The following CAPZA1 variants were observed in gnomAD, a reference collection of about 807,000 sequenced individuals.
CAPZA1 encodes the protein capping actin protein of muscle Z-line subunit alpha 1, also known as F-actin-capping protein subunit alpha-1.
A neutral mutation model predicts 40.8 loss-of-function variants in CAPZA1; 10 were observed. That is an observed-to-expected ratio of 0.25 (90% CI 0.15 to 0.42). The LOEUF (loss-of-function observed/expected upper bound fraction) is 0.42, where lower values mean the gene tolerates loss of function less well. Among genes scored for constraint, CAPZA1 ranks in the 10% least tolerant of loss-of-function variants. The probability of loss-of-function intolerance (pLI) is 1.00; values close to 1 mark genes in which losing one functional copy is unlikely to be tolerated. For missense variants in CAPZA1, 277 were observed against 353.8 expected (o/e 0.78, Z 1.74); for synonymous variants, 98 against 115.0 (o/e 0.85, Z 0.95).
chr1:112,636,776 T>C (rs968169583), intron 1 of CAPZA1, among the ~76,000 whole-genome samples: 3 of 152,226 alleles, frequency 2.0e-5, no homozygotes, highest in African/African-American at 7.2e-5. Context: ...ACTAAATCAC[T>C]GTTAATGAAA....
At chr1:112,643,417 T>C (rs1461485143) in intron 1 of CAPZA1, among the ~76,000 whole-genome samples, 2 of 152,220 alleles carry the variant, frequency 1.3e-5, no homozygotes, top group Non-Finnish European at 2.9e-5. Context: ...GTTCTAAAAC[T>C]TTATGTACCT....
intron 1 of CAPZA1, among the ~76,000 whole-genome samples, chr1:112,641,861 C>G (rs1671172625): frequency 6.9e-6 from 1 of 144,250 alleles, no homozygotes; most frequent in Non-Finnish European, 1.5e-5. Flanking sequence ...CGCACTCCAG[C>G]CTGGGTGACA....
rs557493135 is a variant in CAPZA1 at position 112,637,951 on chromosome 1, A to G, written c.40-9259A>G. The stretch of plus-strand genomic sequence containing the variant: ...CTCCCAAAGCCCATCTGCCCTTTAC[A>G]TTAGCAGTTTATTGACTCTTGCTCT... On this transcript the variant is annotated intron_variant, in intron 1 of 9. Transcript: ENST00000263168. Among the ~76,000 whole-genome samples, 4 of 152,308 alleles carry G rather than the reference A, an allele frequency of 2.6e-5. No individual in the cohort carries two copies. The South Asian group carries it at 8.3e-4, about 32-fold the overall frequency.
Position 112,667,059 on chromosome 1 carries a change from C to T in CAPZA1, c.586-15C>T. The T allele has an allele frequency of 6.3e-7, 1 of 1,597,104 alleles. No homozygotes were observed. The highest frequency in any genetic ancestry group is 8.5e-7 in the Non-Finnish European group (1 of 1,170,240). On this transcript the variant is annotated splice_polypyrimidine_tract_variant and intron_variant, in intron 7 of 9. Coordinates refer to ENST00000263168, the MANE Select transcript of CAPZA1 (RefSeq NM_006135.3). ...TGAACTTCCCCTAAAAAGGCTCAAA[C>T]ATTGTCTCACACAGGTTCACTATTA...
chr1:112,650,850 T>C (rs1671373492), intron 3 of CAPZA1, among the ~76,000 whole-genome samples: 1 of 152,174 alleles, frequency 6.6e-6, no homozygotes, highest in Non-Finnish European at 1.5e-5. Flanking sequence ...TTAAGAGAAG[T>C]TGGTATGTAG....
Position 112,649,424 on chromosome 1 carries a change from G to T in CAPZA1, c.110G>T (p.Arg37Leu). 1 of 1,612,084 alleles carries T rather than the reference G, an allele frequency of 6.2e-7. No homozygotes were observed. The highest frequency in any genetic ancestry group is 8.5e-7 in the Non-Finnish European group (1 of 1,178,686). The change falls in exon 3 of 10, where the codon CGG becomes CTG. Residue 37 changes from arginine (R) to leucine (L), a missense_variant. By Grantham distance (102) the Arg-to-Leu change is moderately radical (BLOSUM62 -2). Coordinates refer to ENST00000263168, the MANE Select transcript of CAPZA1 (RefSeq NM_006135.3). ...GEFNEVFNDV[R>L]LLLNNDNLLR... The stretch of plus-strand genomic sequence containing the variant: ...TAACATTTTTCCTCCTCAGACGTTC[G>T]GCTACTACTTAATAATGACAATCTC...
chr1:112,641,905 A>T (rs2101156139), intron 1 of CAPZA1, among the ~76,000 whole-genome samples: 1 of 151,826 alleles, frequency 6.6e-6, no homozygotes, highest in Admixed American at 6.6e-5. Context: ...AAAAAAAAAA[A>T]ATACTAAAAC....
In CAPZA1 at chr1:112,669,601, A is replaced by G. The variant is rs773081566; in HGVS notation, c.716A>G (p.Tyr239Cys). Reference sequence around the variant, plus strand: ...ATCATAGAGAATGCAGAAAATGAGTATCAGGTAAGAAGATTTGGAGTTAAT... The same window carrying G: ...ATCATAGAGAATGCAGAAAATGAGTGTCAGGTAAGAAGATTTGGAGTTAAT... The part of the protein sequence containing the change: ...IKIIENAENE[Y>C]QTAISENYQT... The change falls in exon 9 of 10, where the codon TAT (tyrosine) becomes TGT (cysteine). Residue 239 changes from tyrosine (Y) to cysteine (C), a missense_variant. By Grantham distance (194) the Tyr-to-Cys change is radical. Around this residue, in one of 2 missense-constraint regions of CAPZA1, gnomAD observed 192 missense variants for 277.2 expected, o/e 0.69. Coordinates refer to ENST00000263168, the MANE Select transcript of CAPZA1 (RefSeq NM_006135.3). 1.3e-5 allele frequency: 20 copies of G among 1,597,662 alleles called. No homozygotes were observed. The highest frequency in any genetic ancestry group is 2.7e-5 in the African/African-American group (2 of 74,596).
At chr1:112,640,176 C>T (rs1671118199) in intron 1 of CAPZA1, among the ~76,000 whole-genome samples, 1 of 117,558 alleles carries the variant, frequency 8.5e-6, no homozygotes, top group Admixed American at 7.9e-5. Flanking sequence ...CCGCCCAGTC[C>T]GGGAGGGAGG....
In CAPZA1 at chr1:112,659,788, C is replaced by A. The variant is rs775756300; in HGVS notation, c.585+9C>A. ...GCGTGCTTAAGATTCAGGTGAGATT[C>A]CAACATGTTTATAGACTTAAAACTT... On this transcript the variant is annotated intron_variant, in intron 7 of 9. Transcript: ENST00000263168. 2.5e-6 allele frequency: 4 copies of A among 1,606,878 alleles called. No homozygotes were observed. The South Asian group carries it at 4.4e-5, about 18-fold the overall frequency.
At chr1:112,655,790 TAACATCA>T (rs1557735518) in intron 5 of CAPZA1, among the ~76,000 whole-genome samples, 1 of 152,118 alleles carries the variant, frequency 6.6e-6, no homozygotes, top group African/African-American at 2.4e-5. Flanking sequence ...CTCGAACTCC[TAACATCA>T]GGTGATCCAG....
At chr1:112,666,285 A>G (rs1671723828) in intron 7 of CAPZA1, among the ~76,000 whole-genome samples, 1 of 152,190 alleles carries the variant, frequency 6.6e-6, no homozygotes, top group South Asian at 2.1e-4. Flanking sequence ...TCCTTGGTGT[A>G]GATGTCATTC....
At chr1:112,657,595 C>CA (rs1553180573) in intron 5 of CAPZA1, among the ~76,000 whole-genome samples, 2 of 144,444 alleles carry the variant, frequency 1.4e-5, no homozygotes, top group Non-Finnish European at 3.1e-5. Context: ...ACCCCTAATT[C>CA]TTTTTTTTTT....
intron 1 of CAPZA1, among the ~76,000 whole-genome samples, chr1:112,640,778 G>C (rs1038607055): frequency 2.6e-5 from 4 of 152,276 alleles, no homozygotes; most frequent in African/African-American, 7.2e-5. Context: ...GTGGAATAGA[G>C]AGGGGAGAAA....
At position 112,667,289 on chromosome 1, in the gene CAPZA1, T is replaced by C. The variant is rs961370823; in HGVS notation, c.657+144T>C. On this transcript the variant is annotated intron_variant, in intron 8 of 9. Transcript: ENST00000263168. ...TTTTGGCCACTTCTGTTAGTGCCTC[T>C]TATCACCAACCAGCATATATTAGTT... 7 of 605,316 alleles carry C rather than the reference T, an allele frequency of 1.2e-5. No individual in the cohort carries two copies. In the African/African-American group the frequency reaches 1.3e-4, roughly 11 times the overall value. 37.5% of individuals were successfully genotyped at this position (605,316 alleles called of 1,614,324 possible). A position where few individuals can be genotyped will look rare whatever the true frequency, so the allele number is the denominator to read the frequency against.
At chr1:112,658,768 C>T (rs1379952752) in intron 5 of CAPZA1, among the ~76,000 whole-genome samples, 1 of 152,138 alleles carries the variant, frequency 6.6e-6, no homozygotes, top group Admixed American at 6.5e-5. Flanking sequence ...TTGTATGACC[C>T]AGCCTAAATG....
intron 3 of CAPZA1, chr1:112,649,841 A>G: frequency 4.6e-6 from 1 of 219,696 alleles, no homozygotes; most frequent in Non-Finnish European, 8.9e-6. Context: ...AATAGCAAAT[A>G]TTAATAAAGT....
intron 1 of CAPZA1, among the ~76,000 whole-genome samples, chr1:112,631,377 G>A (rs565247173): frequency 4.6e-5 from 7 of 152,292 alleles, no homozygotes; most frequent in Admixed American, 3.9e-4. Flanking sequence ...TCTGTCTCAT[G>A]TTACCTCATG....
intron 5 of CAPZA1, among the ~76,000 whole-genome samples, chr1:112,658,282 A>G (rs940591403): frequency 1.3e-5 from 2 of 152,076 alleles, no homozygotes; most frequent in Admixed American, 6.5e-5. Context: ...CTCCATCTGT[A>G]ATTTCCAGTT....
Sources: allele counts gnomAD v4.1 joint callset (sites outside exome capture counted in the v4.1 genomes callset), GRCh38; gene constraint gnomAD v4.1.1; regional missense constraint gnomAD v4.1.1; transcripts MANE v1.5; gene names NCBI Gene and HGNC (gene_info 2026-07-23, HGNC 2026-07-21).